Variants in DISC1 observed in about 807,000 individuals in gnomAD.
DISC1 encodes the protein disrupted in schizophrenia 1 protein.
A neutral mutation model predicts 84.5 loss-of-function variants in DISC1; 57 were observed. That is an observed-to-expected ratio of 0.67 (90% CI 0.55 to 0.84). The LOEUF (loss-of-function observed/expected upper bound fraction) is 0.84. DISC1 is among the 40% of genes least tolerant of loss of function. The pLI is 0.00. For missense variants in DISC1, 1,000 were observed against 1,057.8 expected (o/e 0.95, Z 0.76); for synonymous variants, 411 against 415.2 (o/e 0.99, Z 0.12).
At chr1:231,649,463 T>C (rs577317840) in intron 1 of DISC1, among the ~76,000 whole-genome samples, 1 of 152,242 alleles carries the variant, frequency 6.6e-6, no homozygotes, top group African/African-American at 2.4e-5. Flanking sequence ...TTCTGAGGAG[T>C]GCTTTACTTC....
At position 231,952,033 on chromosome 1, in the gene DISC1, T is replaced by C. The variant is rs189315469; in HGVS notation, c.1982-6795T>C. Among the ~76,000 whole-genome samples the C allele has an allele frequency of 6.2e-5, 8 of 129,822 alleles. No individual in the cohort carries two copies. In the South Asian group the frequency reaches 1.4e-3, roughly 23 times the overall value. The allele number at this position is 129,822 out of a possible 152,430, so 85.2% of individuals were successfully genotyped here. A position where few individuals can be genotyped will look rare whatever the true frequency, so the allele number is the denominator to read the frequency against. ...AGGAGTTCAAGGCTGTAGTGAGCTA[T>C]AATCACGCCACTGCACTTTAGCCTG... On this transcript the variant is annotated intron_variant, in intron 9 of 12. Transcript: ENST00000439617.
At chr1:231,827,289 A>AT (rs1240205596) in intron 9 of DISC1, among the ~76,000 whole-genome samples, 1 of 152,206 alleles carries the variant, frequency 6.6e-6, no homozygotes, top group Non-Finnish European at 1.5e-5. Context: ...CCCAGCATAA[A>AT]TAAAAAAAAT....
At position 232,031,592 on chromosome 1, in the gene DISC1, T is replaced by G. The variant is rs1670062113; in HGVS notation, c.2425+5040T>G. ...TAAAGCTTTGTGTGTGATGGGCTGG[T>G]GCAGATATAGTAGTCACAGTTCTTT... On this transcript the variant is annotated intron_variant, in intron 12 of 12. Coordinates refer to ENST00000439617, the MANE Select transcript of DISC1 (RefSeq NM_018662.3). This position sits in a 1 kb window ranked among gnomAD's most constrained non-coding sequence, Gnocchi z 4.6. 6.6e-6 allele frequency among the ~76,000 whole-genome samples: 1 copy of G among 152,140 alleles called. No homozygotes were observed. The highest frequency in any genetic ancestry group is 2.4e-5 in the African/African-American group (1 of 41,440).
chr1:231,787,553 A>G (rs1021419601), intron 6 of DISC1, among the ~76,000 whole-genome samples: 1 of 152,318 alleles, frequency 6.6e-6, no homozygotes, highest in Non-Finnish European at 1.5e-5. Flanking sequence ...ATGAGGGCAG[A>G]TTCCTGGTAA....
chr1:231,792,859 C>T (rs1470649849), intron 6 of DISC1, among the ~76,000 whole-genome samples: 5 of 152,218 alleles, frequency 3.3e-5, no homozygotes, highest in African/African-American at 1.2e-4. Context: ...ACATTGTTTT[C>T]CACTGTTCCC....
chr1:232,000,742 A>G (rs911621572), intron 10 of DISC1, among the ~76,000 whole-genome samples: 4 of 152,214 alleles, frequency 2.6e-5, no homozygotes, highest in African/African-American at 9.6e-5. Flanking sequence ...AATAACAGTG[A>G]ATTTATCATC....
At chr1:232,020,576 T>C (rs1668869931) in intron 11 of DISC1, among the ~76,000 whole-genome samples, 1 of 152,142 alleles carries the variant, frequency 6.6e-6, no homozygotes, top group African/African-American at 2.4e-5. Flanking sequence ...GGTGTTAAGA[T>C]AAGGAAGCTC....
At chr1:231,850,122 C>T (rs1180683334) in intron 9 of DISC1, among the ~76,000 whole-genome samples, 5 of 152,170 alleles carry the variant, frequency 3.3e-5, no homozygotes, top group Non-Finnish European at 5.9e-5. Context: ...GCCCCACCTA[C>T]GGAGAACTCT....
rs201249128 is a variant in DISC1, at chr1:231,694,456, G to A, written c.698G>A (p.Arg233Lys). ...GAAGCAGAAGGCTGCCCACCATCCA[G>A]AGAGGCTGAGTCCCATTGCCAGAGC... ...RGEAEGCPPS[R>K]EAESHCQSPQ... is the part of the protein sequence containing the mutation. The change falls in exon 2 of 13, where the codon AGA becomes AAA. Residue 233 changes from arginine to lysine, a missense_variant. Arg to Lys is a conservative substitution (Grantham distance 26). Around this residue, in one of 3 missense-constraint regions of DISC1, gnomAD observed 311 missense variants for 400.1 expected, o/e 0.78. Coordinates refer to ENST00000439617, the MANE Select transcript of DISC1 (RefSeq NM_018662.3). The A allele has an allele frequency of 1.3e-5, 21 of 1,614,152 alleles. No individual in the cohort carries two copies. Among genetic ancestry groups the A allele is most frequent in the African/African-American group, 2.7e-5 (2 of 74,958 alleles).
chr1:231,802,895 GGCCCATGAGGCTTCT>G (rs1218243277), intron 8 of DISC1, among the ~76,000 whole-genome samples: 2 of 151,730 alleles, frequency 1.3e-5, no homozygotes, highest in Non-Finnish European at 2.9e-5. Context: ...CCTTCACGGA[GGCCCATGAGGCTTCT>G]GCCTACTACC....
At chr1:231,828,514 TC>T (rs2082014997) in intron 9 of DISC1, among the ~76,000 whole-genome samples, 1 of 152,166 alleles carries the variant, frequency 6.6e-6, no homozygotes, top group Admixed American at 6.5e-5. Flanking sequence ...GAAGTGATTC[TC>T]CCCTAAAGAT....
At chr1:232,026,767 T>C (rs1359629243) in intron 12 of DISC1, among the ~76,000 whole-genome samples, 42 of 44,562 alleles carry the variant, frequency 9.4e-4, no homozygotes, top group African/African-American at 2.3e-3. Flanking sequence ...TTTTTCTTTT[T>C]TTTTTTTTTT....
At chr1:231,871,518 A>T (rs1437037344) in intron 9 of DISC1, among the ~76,000 whole-genome samples, 1 of 152,242 alleles carries the variant, frequency 6.6e-6, no homozygotes, top group African/African-American at 2.4e-5. Context: ...GTGGAAGTGC[A>T]GTTGAATTCA....
rs146300199 is a variant in DISC1, at chr1:231,704,759, C to CAAAA, written c.1117+2758_1117+2761dup. ...TGGGCGACAGAGCGAGACTCCGTCT[C>CAAAA]AAAAAAAAAAAAAAAAAAAAAAAAA... On this transcript the variant is annotated intron_variant, in intron 3 of 12. Coordinates refer to ENST00000439617, the MANE Select transcript of DISC1 (RefSeq NM_018662.3). Among the ~76,000 whole-genome samples, 13 of 24,348 alleles carry CAAAA rather than the reference C, an allele frequency of 5.3e-4. 4 individuals are homozygous for CAAAA. The highest frequency in any genetic ancestry group is 1.2e-3 in the Admixed American group (2 of 1,708). 16.0% of individuals were successfully genotyped at this position (24,348 alleles called of 152,430 possible). A position where few individuals can be genotyped will look rare whatever the true frequency, so the allele number is the denominator to read the frequency against.
chr1:231,995,722 T>G (rs821656), intron 10 of DISC1, among the ~76,000 whole-genome samples: 49,974 of 147,760 alleles, frequency 0.34, 8,484 homozygotes, highest in African/African-American at 0.55. Flanking sequence ...TGCCACATTT[T>G]CTTAATCCAG....
chr1:231,783,424 CT>C (rs1221093114), intron 6 of DISC1, among the ~76,000 whole-genome samples: 1 of 152,056 alleles, frequency 6.6e-6, no homozygotes, highest in Non-Finnish European at 1.5e-5. Flanking sequence ...GATTCCTGTT[CT>C]CATTTTTTCA....
chr1:231,866,503 A>G (rs764990537), intron 9 of DISC1: 1 of 793,706 alleles, frequency 1.3e-6, no homozygotes, highest in South Asian at 1.3e-5. Context: ...CTTAATATTT[A>G]ATGTTCACTA....
rs192765612 is a variant in DISC1, at chr1:232,041,152, C to T, written c.*4321C>T. 23 of 152,124 alleles carry T rather than the reference C, an allele frequency of 1.5e-4. No homozygotes were observed. The highest frequency in any genetic ancestry group is 5.5e-4 in the African/African-American group (23 of 41,500). 9.4% of individuals were successfully genotyped at this position (152,124 alleles called of 1,614,324 possible). A position where few individuals can be genotyped will look rare whatever the true frequency, so the allele number is the denominator to read the frequency against. On this transcript the variant is annotated 3_prime_UTR_variant, in exon 13 of 13. Transcript: ENST00000439617. ...ATGGTGCATCTTGATGATTTTTTGT[C>T]CTTTGAAGTATGGATGATAGAAAAA... is the stretch of plus-strand genomic sequence containing the variant.
chr1:231,814,475 CAT>C (rs1328253462), intron 8 of DISC1, among the ~76,000 whole-genome samples: 2 of 152,182 alleles, frequency 1.3e-5, no homozygotes, highest in African/African-American at 4.8e-5. Flanking sequence ...TGAAAAATCA[CAT>C]ATCACTCATT....
Sources: allele counts gnomAD v4.1 joint callset (sites outside exome capture counted in the v4.1 genomes callset), GRCh38; gene constraint gnomAD v4.1.1; regional missense constraint gnomAD v4.1.1; non-coding constraint Gnocchi (gnomAD v3.1); transcripts MANE v1.5; gene names NCBI Gene and HGNC (gene_info 2026-07-23, HGNC 2026-07-21).